Variants in KIAA0319 observed in about 807,000 individuals in gnomAD.
KIAA0319 encodes KIAA0319.
A neutral mutation model predicts 108.4 loss-of-function variants in KIAA0319; 83 were observed. The observed-to-expected ratio is 0.77, with a 90% CI of 0.64 to 0.92. The LOEUF (loss-of-function observed/expected upper bound fraction) is 0.92, where lower values mean the gene tolerates loss of function less well. KIAA0319 is among the 40% of genes least tolerant of loss of function. The pLI is 0.00. For missense variants in KIAA0319, 1,195 were observed against 1,322.4 expected, an observed-to-expected ratio of 0.90 and a Z score of 1.49; for synonymous variants, 484 against 510.4, an observed-to-expected ratio of 0.95 and a Z score of 0.70.
intron 3 of KIAA0319, 40 bp downstream of exon 3, chr6:24,595,833 C>T: frequency 6.4e-7 from 1 of 1,551,456 alleles, no homozygotes; most frequent in Non-Finnish European, 8.7e-7. Context: ...CTGCCCCACT[C>T]AGCCCATCCC....
chr6:24,594,375 C>T (rs979199021), intron 3 of KIAA0319, among the ~76,000 whole-genome samples: 1 of 151,678 alleles, frequency 6.6e-6, no homozygotes, highest in African/African-American at 2.4e-5. Context: ...CCTGTAATCC[C>T]AACACTTTGG....
chr6:24,561,114 C>A (rs180971800), intron 16 of KIAA0319, among the ~76,000 whole-genome samples: 3 of 152,210 alleles, frequency 2.0e-5, no homozygotes, highest in Admixed American at 2.0e-4. Flanking sequence ...GGTCTATAAA[C>A]CTTGTAATAA....
intron 5 of KIAA0319, 27 bp from the exon 6 acceptor site, chr6:24,582,373 G>A: frequency 7.2e-7 from 1 of 1,393,250 alleles, no homozygotes; most frequent in Non-Finnish European, 1.0e-6. Context: ...AATATGAGTA[G>A]TTATAAATTC....
chr6:24,642,413 C>T (rs1284174759), intron 1 of KIAA0319, among the ~76,000 whole-genome samples: 1 of 152,084 alleles, frequency 6.6e-6, no homozygotes, highest in Non-Finnish European at 1.5e-5. Flanking sequence ...ATGATGAAAA[C>T]AAAAGATGGT....
chr6:24,582,196 G>A, intron 6 of KIAA0319, 53 bp downstream of exon 6: 4 of 1,000,056 alleles, frequency 4.0e-6, no homozygotes, highest in South Asian at 3.8e-5. Context: ...TATTAACTGA[G>A]CTCTATGCCG....
chr6:24,593,245 A>G (rs1768796991), intron 3 of KIAA0319, among the ~76,000 whole-genome samples: 2 of 152,132 alleles, frequency 1.3e-5, no homozygotes, highest in Non-Finnish European at 2.9e-5. Context: ...TTTTTAACCT[A>G]TGAATGTGCC....
In KIAA0319 at chr6:24,557,520, A is replaced by C. The variant is rs556508160; in HGVS notation, c.2735-791T>G. Among the ~76,000 whole-genome samples, 40 of 152,322 alleles carry C rather than the reference A, an allele frequency of 2.6e-4. No homozygotes were observed. In the East Asian group the frequency reaches 6.9e-3, roughly 26 times the overall value. On this transcript the variant is annotated intron_variant, in intron 17 of 20. Transcript: ENST00000378214. ...AGCTAGACTCAAAAAAGTAGCAAAA[A>C]CATAACATTGTCTGGCCTAAGAAAA...
At chr6:24,561,661 G>C (rs1376262139) in intron 16 of KIAA0319, among the ~76,000 whole-genome samples, 1 of 151,844 alleles carries the variant, frequency 6.6e-6, no homozygotes, top group Non-Finnish European at 1.5e-5. Context: ...TCTCACCTCA[G>C]CCTCCTGGGT....
chr6:24,569,567 T>C (rs73727988), intron 12 of KIAA0319, among the ~76,000 whole-genome samples: 24 of 152,374 alleles, frequency 1.6e-4, no homozygotes, highest in African/African-American at 5.5e-4. Context: ...GGTCGCCCCT[T>C]ACACTGCACT....
chr6:24,635,653 G>C (rs1373007837), intron 1 of KIAA0319, among the ~76,000 whole-genome samples: 1 of 152,158 alleles, frequency 6.6e-6, no homozygotes, highest in Non-Finnish European at 1.5e-5. Flanking sequence ...CAGGAGCTGA[G>C]AGTAACCCTC....
At chr6:24,626,296 T>C (rs1582300411) in intron 1 of KIAA0319, among the ~76,000 whole-genome samples, 1 of 151,314 alleles carries the variant, frequency 6.6e-6, no homozygotes, top group South Asian at 2.1e-4. Flanking sequence ...CTTTGGGAGG[T>C]CGAGATGAGA....
intron 2 of KIAA0319, chr6:24,598,183 G>C (rs1035320500): frequency 4.2e-6 from 2 of 471,372 alleles, no homozygotes; most frequent in African/African-American, 2.0e-5. Flanking sequence ...TATGGGTCTG[G>C]GTGGAGGCTA....
chr6:24,588,210 TC>T (rs2127500521), intron 4 of KIAA0319, among the ~76,000 whole-genome samples: 1 of 152,318 alleles, frequency 6.6e-6, no homozygotes, highest in African/African-American at 2.4e-5. Flanking sequence ...AACATGTTGC[TC>T]CCTCCACCTG....
chr6:24,592,362 G>A (rs918519454), intron 3 of KIAA0319, among the ~76,000 whole-genome samples: 2 of 152,098 alleles, frequency 1.3e-5, no homozygotes, highest in African/African-American at 4.8e-5. Context: ...TTTGGTGAGA[G>A]AAAAGATCTT....
chr6:24,582,408 C>T, intron 5 of KIAA0319, 62 bp from the exon 6 acceptor site: 4 of 981,928 alleles, frequency 4.1e-6, no homozygotes, highest in Non-Finnish European at 6.6e-6. Flanking sequence ...ATAACCTGGG[C>T]AGAGGGAAGA....
At chr6:24,548,642 G>C (rs574719843) in intron 20 of KIAA0319, among the ~76,000 whole-genome samples, 1 of 152,144 alleles carries the variant, frequency 6.6e-6, no homozygotes, top group African/African-American at 2.4e-5. Flanking sequence ...ACAAGAGGAC[G>C]GGGAAGGTCA....
chr6:24,562,042 C>T (rs1763179617), intron 16 of KIAA0319, among the ~76,000 whole-genome samples: 1 of 152,158 alleles, frequency 6.6e-6, no homozygotes, highest in South Asian at 2.1e-4. Flanking sequence ...TTCGCCATTG[C>T]CCAGGTTGGT....
chr6:24,582,211 G>T, intron 6 of KIAA0319, 38 bp downstream of exon 6: 1 of 1,133,924 alleles, frequency 8.8e-7, no homozygotes, highest in Non-Finnish European at 1.3e-6. Context: ...ATGCCGTTAC[G>T]CTGTGCTGTT....
chr6:24,565,559 C>A (rs983654511), intron 14 of KIAA0319, among the ~76,000 whole-genome samples: 7 of 151,940 alleles, frequency 4.6e-5, no homozygotes, highest in Non-Finnish European at 1.0e-4. Context: ...TCAAGACCAT[C>A]CTGGCCAACA....
Sources: gnomAD v4.1 joint callset for allele counts (sites outside exome capture counted in the v4.1 genomes callset) on GRCh38, gnomAD v4.1.1 for gene constraint, MANE v1.5 for transcripts, NCBI Gene and HGNC (gene_info 2026-07-23, HGNC 2026-07-21) for gene names.